The following STK38L variants were observed in gnomAD, a reference collection of about 807,000 sequenced individuals.
STK38L encodes the protein serine/threonine kinase 38 like.
In STK38L, 28 loss-of-function variants were observed where a neutral mutation model predicts 59.7. That is an observed-to-expected ratio of 0.47 (90% CI 0.35 to 0.64). The LOEUF (loss-of-function observed/expected upper bound fraction) is 0.64. STK38L is among the 30% of genes least tolerant of loss of function. STK38L has a pLI of 0.01. For missense variants in STK38L, 314 were observed against 555.8 expected, an observed-to-expected ratio of 0.56 and a Z score of 4.37; for synonymous variants, 162 against 176.8, an observed-to-expected ratio of 0.92 and a Z score of 0.66.
chr12:27,290,179 A>C (rs1377572297), intron 1 of STK38L, among the ~76,000 whole-genome samples: 1 of 152,358 alleles, frequency 6.6e-6, no homozygotes, highest in Admixed American at 6.5e-5. Flanking sequence ...GAATTATCTT[A>C]AGTCTTATAT....
intron 1 of STK38L, among the ~76,000 whole-genome samples, chr12:27,267,427 C>T (rs897003366): frequency 1.3e-5 from 2 of 152,164 alleles, no homozygotes; most frequent in African/African-American, 2.4e-5. Context: ...ACAACAACCA[C>T]AACAACAAAA....
At chr12:27,276,265 T>C (rs1943535617) in intron 1 of STK38L, among the ~76,000 whole-genome samples, 2 of 152,240 alleles carry the variant, frequency 1.3e-5, no homozygotes, top group Admixed American at 6.5e-5. Context: ...CTTGATGTTG[T>C]ATGATTTAAT....
chr12:27,278,425 T>C (rs1332694448), intron 1 of STK38L, among the ~76,000 whole-genome samples: 2 of 152,230 alleles, frequency 1.3e-5, no homozygotes, highest in African/African-American at 2.4e-5. Flanking sequence ...GCTAATTGTT[T>C]ATATGGGTTA....
intron 1 of STK38L, among the ~76,000 whole-genome samples, chr12:27,275,851 T>C (rs1296601603): frequency 6.6e-6 from 1 of 152,216 alleles, no homozygotes; most frequent in Non-Finnish European, 1.5e-5. Context: ...AAGCCAGTTT[T>C]ATAAATCCAA....
At chr12:27,317,619 A>T in intron 10 of STK38L, 166 bp downstream of exon 10, 1 of 712,230 alleles carries the variant, frequency 1.4e-6, no homozygotes, top group Non-Finnish European at 2.3e-6. Context: ...TGAGCTCCCC[A>T]CGGATCCTGT....
chr12:27,311,078 T>C (rs1056041638), intron 5 of STK38L, among the ~76,000 whole-genome samples: 2 of 152,228 alleles, frequency 1.3e-5, no homozygotes, highest in African/African-American at 4.8e-5. Flanking sequence ...TTGGATCCTG[T>C]TTTGGAAAGG....
chr12:27,314,430 C>T, intron 6 of STK38L, 74 bp from the exon 7 acceptor site: 1 of 1,147,212 alleles, frequency 8.7e-7, no homozygotes, highest in South Asian at 2.8e-5. Context: ...GTAAAAAAAG[C>T]AGGAAAGCTT....
At position 27,322,325 on chromosome 12, in the gene STK38L, T is replaced by C; in HGVS notation, c.1268-3T>C. Reference sequence around the variant, plus strand: ...GAAATTCCTTTATTTTTTCTCTTTCTAGTGCCAAATACCACAGAACCGGAC... The same window carrying C: ...GAAATTCCTTTATTTTTTCTCTTTCCAGTGCCAAATACCACAGAACCGGAC... On this transcript the variant is annotated splice_region_variant and splice_polypyrimidine_tract_variant and intron_variant, in intron 13 of 13. Transcript: ENST00000389032. 6.2e-7 allele frequency: 1 copy of C among 1,613,576 alleles called. No homozygotes were observed. Among genetic ancestry groups the C allele is most frequent in the Non-Finnish European group, 8.5e-7 (1 of 1,179,870 alleles).
At position 27,324,967 on chromosome 12, in the gene STK38L, G is replaced by A. The variant is rs1038798216; in HGVS notation, c.*2512G>A. Reference sequence around the variant, plus strand: ...TTAGACTCTATTTTGAATTAAAAGAGTTTTATTATAAACCGTGTGTTTTTG... The same window carrying A: ...TTAGACTCTATTTTGAATTAAAAGAATTTTATTATAAACCGTGTGTTTTTG... On this transcript the variant is annotated 3_prime_UTR_variant, in exon 14 of 14. Transcript: ENST00000389032. The A allele has an allele frequency of 3.3e-5, 5 of 152,012 alleles. No homozygotes were observed. Among genetic ancestry groups the A allele is most frequent in the African/African-American group, 1.2e-4 (5 of 41,422 alleles). 9.4% of individuals were successfully genotyped at this position (152,012 alleles called of 1,614,324 possible). A position where few individuals can be genotyped will look rare whatever the true frequency, so the allele number is the denominator to read the frequency against.
At chr12:27,309,677 T>C (rs185345882) in intron 5 of STK38L, among the ~76,000 whole-genome samples, 1 of 152,216 alleles carries the variant, frequency 6.6e-6, no homozygotes, top group East Asian at 1.9e-4. Flanking sequence ...ATTAATTCCC[T>C]AAGGGTCCAT....
intron 12 of STK38L, among the ~76,000 whole-genome samples, chr12:27,320,211 T>C (rs1305861505): frequency 2.0e-5 from 3 of 152,190 alleles, no homozygotes; most frequent in African/African-American, 7.2e-5. Flanking sequence ...ATGTGTCATT[T>C]CCTTGGTACA....
chr12:27,277,392 CCACACACACA>C (rs58648742), intron 1 of STK38L, among the ~76,000 whole-genome samples: 6,671 of 148,774 alleles, frequency 0.045, 167 homozygotes, highest in Non-Finnish European at 0.062. Context: ...CTGGAAGGAA[CCACACACACA>C]CACACACACA....
chr12:27,274,089 C>A (rs1298607050), intron 1 of STK38L, among the ~76,000 whole-genome samples: 1 of 152,072 alleles, frequency 6.6e-6, no homozygotes, highest in African/African-American at 2.4e-5. Flanking sequence ...CCCATCTCTA[C>A]TAAAAATACA....
At chr12:27,321,827 C>G (rs909624248) in intron 12 of STK38L, among the ~76,000 whole-genome samples, 8 of 152,226 alleles carry the variant, frequency 5.3e-5, no homozygotes, top group Non-Finnish European at 1.2e-4. Context: ...GGAATGGACA[C>G]CCCATTCTGC....
chr12:27,322,305 T>A, intron 13 of STK38L, 23 bp from the exon 14 acceptor site: 2 of 1,613,170 alleles, frequency 1.2e-6, no homozygotes, highest in South Asian at 2.2e-5. Flanking sequence ...CTAATGAAAT[T>A]CCTTTATTTT....
rs541320036 is a variant in STK38L, at chr12:27,273,649, T to C, written c.-11-24061T>C. On this transcript the variant is annotated intron_variant, in intron 1 of 13. Coordinates refer to ENST00000389032, the MANE Select transcript of STK38L (RefSeq NM_015000.4). ...ATTTAATAAAGTTCTGGGTATGGAATAGAATGATCAGATTTCTAGGTTTTG... is the reference window on the plus strand; with the variant it reads ...ATTTAATAAAGTTCTGGGTATGGAACAGAATGATCAGATTTCTAGGTTTTG... Among the ~76,000 whole-genome samples, 5 of 152,348 alleles carry C rather than the reference T, an allele frequency of 3.3e-5. No individual in the cohort carries two copies. The South Asian group carries it at 8.3e-4, about 25-fold the overall frequency.
In STK38L at chr12:27,314,491, ATCCTT is replaced by A. The variant is rs774226086; in HGVS notation, c.518-11_518-7del. On this transcript the variant is annotated splice_polypyrimidine_tract_variant and splice_region_variant and intron_variant, in intron 6 of 13. Transcript: ENST00000389032. Reference sequence around the variant, plus strand: ...ATTTTCAATAATAATATATTTGACTATCCTTTATTTAGGTGACATGATGACATTGC... The same window carrying A: ...ATTTTCAATAATAATATATTTGACTATATTTAGGTGACATGATGACATTGC... 2 of 1,517,314 alleles carry A rather than the reference ATCCTT, an allele frequency of 1.3e-6. No homozygotes were observed. The highest frequency in any genetic ancestry group is 8.8e-7 in the Non-Finnish European group (1 of 1,130,832). The allele number at this position is 1,517,314 out of a possible 1,614,324, so 94.0% of individuals were successfully genotyped here.
intron 3 of STK38L, among the ~76,000 whole-genome samples, chr12:27,303,906 G>A (rs1267683879): frequency 6.6e-6 from 1 of 152,140 alleles, no homozygotes; most frequent in East Asian, 1.9e-4. Context: ...GCTAGGTTTA[G>A]AATAGTTTAC....
intron 1 of STK38L, among the ~76,000 whole-genome samples, chr12:27,279,814 A>G (rs1332588917): frequency 1.3e-5 from 2 of 151,622 alleles, no homozygotes; most frequent in South Asian, 2.1e-4. Context: ...TTTTATAAAG[A>G]GCTTGATGCT....
Sources: allele counts gnomAD v4.1 joint callset (sites outside exome capture counted in the v4.1 genomes callset), GRCh38; gene constraint gnomAD v4.1.1; transcripts MANE v1.5; gene names NCBI Gene and HGNC (gene_info 2026-07-23, HGNC 2026-07-21).